Variants in CLTC observed in about 807,000 individuals in gnomAD.
CLTC encodes the protein clathrin heavy chain.
A neutral mutation model predicts 195.8 loss-of-function variants in CLTC; 16 were observed. The observed-to-expected ratio is 0.08, with a 90% confidence interval of 0.06 to 0.12. The LOEUF is 0.12. Among genes scored for constraint, CLTC ranks in the 10% least tolerant of loss-of-function variants. CLTC has a pLI of 1.00. For synonymous variants in CLTC, 667 were observed against 689.4 expected (o/e 0.97, Z 0.51); for missense variants, 796 against 2,027.0 (o/e 0.39, Z 11.66).
In CLTC at chr17:59,682,326, G is replaced by A; in HGVS notation, c.3498G>A (p.Glu1166=). Residue 1166 remains glutamate (E), a synonymous_variant, in exon 22 of 32, where the codon GAG becomes GAA. Coordinates refer to ENST00000269122, the MANE Select transcript of CLTC (RefSeq NM_004859.4). The surrounding 1 kb of genome is among the most constrained non-coding windows in gnomAD (Gnocchi z 6.8). ...AGATGGCCCGTAAGAAGGCTCGAGA[G>A]TCCTATGTGGAGACAGAACTGATAT... ...YLQMARKKAR[E]SYVETELIFA... is the part of the protein sequence containing the mutation. 1 of 1,614,144 alleles carries A rather than the reference G, an allele frequency of 6.2e-7. No homozygotes were observed. Among genetic ancestry groups the A allele is most frequent in the East Asian group, 2.2e-5 (1 of 44,876 alleles).
At chr17:59,680,267 G>A (rs1349735599) in intron 18 of CLTC, among the ~76,000 whole-genome samples, 1 of 152,094 alleles carries the variant, frequency 6.6e-6, no homozygotes, top group Non-Finnish European at 1.5e-5. Flanking sequence ...AAGTGCATCA[G>A]TGTTATATCT....
chr17:59,670,725 T>C (rs1051376636), intron 14 of CLTC, among the ~76,000 whole-genome samples: 1 of 152,184 alleles, frequency 6.6e-6, no homozygotes, highest in African/African-American at 2.4e-5. Context: ...ATTTTTGAGC[T>C]TTAAAAAAAA....
intron 13 of CLTC, 30 bp from the exon 14 acceptor site, chr17:59,668,747 T>C: frequency 6.4e-7 from 1 of 1,556,286 alleles, no homozygotes; most frequent in Non-Finnish European, 8.7e-7. Context: ...AGTGTGCCTA[T>C]GCTTAATTGT....
chr17:59,666,362 T>C lies in CLTC; in HGVS notation c.1783-118T>C, dbSNP rs2032732362. ...CTCCTTATTAAAGAAAATGTAGCTA[T>C]TATAATATTCTTTTGTACTTTAACA... On this transcript the variant is annotated intron_variant, in intron 11 of 31. Coordinates refer to ENST00000269122, the MANE Select transcript of CLTC (RefSeq NM_004859.4). This position sits in a 1 kb window ranked among gnomAD's most constrained non-coding sequence, Gnocchi z 4.9. 2 of 1,475,598 alleles carry C rather than the reference T, an allele frequency of 1.4e-6. No homozygotes were observed. The highest frequency in any genetic ancestry group is 1.4e-5 in the African/African-American group (1 of 70,874). 91.4% of individuals were successfully genotyped at this position (1,475,598 alleles called of 1,614,324 possible).
Position 59,644,353 on chromosome 17 carries a change from T to C in CLTC, c.120T>C (p.Ile40=). 1 of 1,614,022 alleles carries C rather than the reference T, an allele frequency of 6.2e-7. No homozygotes were observed. Among genetic ancestry groups the C allele is most frequent in the Non-Finnish European group, 8.5e-7 (1 of 1,179,988 alleles). The change falls in exon 2 of 32, where the codon ATT becomes ATC. Residue 40 remains isoleucine, a synonymous_variant. Coordinates refer to ENST00000269122, the MANE Select transcript of CLTC (RefSeq NM_004859.4). ...LTMESDKFIC[I]REKVGEQAQV... is the part of the protein sequence containing the mutation. ...TGGAGTCTGACAAATTCATCTGCAT[T>C]AGAGAAAAAGTAGGAGAGCAGGCCC... is the stretch of plus-strand genomic sequence containing the variant.
In CLTC at chr17:59,668,948, G is replaced by A; in HGVS notation, c.2292+8G>A. 6.2e-7 allele frequency: 1 copy of A among 1,603,898 alleles called. No homozygotes were observed. The highest frequency in any genetic ancestry group is 1.1e-5 in the South Asian group (1 of 89,558). ...GTCAAGAATTTTCTTAAGGTAAGTG[G>A]TTTTGAGTAATGTGTTTTCTGGTTG... is the stretch of plus-strand genomic sequence containing the variant. On this transcript the variant is annotated splice_region_variant and intron_variant, in intron 14 of 31. Coordinates refer to ENST00000269122, the MANE Select transcript of CLTC (RefSeq NM_004859.4).
At chr17:59,693,450 G>T (rs987096150) in intron 31 of CLTC, among the ~76,000 whole-genome samples, 1 of 151,466 alleles carries the variant, frequency 6.6e-6, no homozygotes, top group East Asian at 1.9e-4. Flanking sequence ...ATGCATGTAG[G>T]TATGTGTCAA....
intron 4 of CLTC, among the ~76,000 whole-genome samples, chr17:59,650,084 C>T (rs1480440358): frequency 2.0e-5 from 3 of 152,138 alleles, no homozygotes; most frequent in African/African-American, 7.2e-5. Flanking sequence ...GACCCTATAA[C>T]ATTCATATGG....
intron 1 of CLTC, among the ~76,000 whole-genome samples, chr17:59,628,862 A>T (rs973055287): frequency 6.6e-6 from 1 of 152,120 alleles, no homozygotes; most frequent in Non-Finnish European, 1.5e-5. Flanking sequence ...GGGTTTCACC[A>T]TGTTGGCCAG....
chr17:59,679,645 G>C, intron 18 of CLTC, 126 bp downstream of exon 18: 1 of 766,474 alleles, frequency 1.3e-6, no homozygotes, highest in Non-Finnish European at 1.8e-6. Context: ...GCAATACAAA[G>C]TAGAAGAAAA....
At chr17:59,676,366 G>C (rs1228223064) in intron 16 of CLTC, among the ~76,000 whole-genome samples, 1 of 152,172 alleles carries the variant, frequency 6.6e-6, no homozygotes, top group Admixed American at 6.5e-5. Flanking sequence ...TTGGCTGTAG[G>C]TAATGCTGTA....
chr17:59,642,646 A>G (rs902647165), intron 1 of CLTC, among the ~76,000 whole-genome samples: 3 of 152,216 alleles, frequency 2.0e-5, no homozygotes, highest in East Asian at 1.9e-4. Flanking sequence ...AGGCTTTACT[A>G]TAACTAAATA....
chr17:59,680,821 G>T, intron 18 of CLTC, 91 bp from the exon 19 acceptor site: 1 of 967,556 alleles, frequency 1.0e-6, no homozygotes, highest in Non-Finnish European at 1.5e-6. Context: ...ATTCTTTTCT[G>T]CCTATTTCAA....
At chr17:59,674,674 C>T in intron 15 of CLTC, 27 bp from the exon 16 acceptor site, 2 of 1,586,578 alleles carry the variant, frequency 1.3e-6, no homozygotes, top group Non-Finnish European at 1.7e-6. Context: ...AACATAATAA[C>T]ATTCTTCTAC....
rs537832985 is a variant in CLTC, at chr17:59,638,716, A to C, written c.43-5560A>C. Among the ~76,000 whole-genome samples the C allele has an allele frequency of 3.3e-5, 5 of 152,282 alleles. No individual in the cohort carries two copies. In the East Asian group the frequency reaches 9.6e-4, roughly 29 times the overall value. ...ATGAGAATCTAATGCCGTGGCTGAA[A>C]TGACAGGAGGTAGAGCTCAGGCGGT... On this transcript the variant is annotated intron_variant, in intron 1 of 31. Transcript: ENST00000269122.
chr17:59,680,783 G>A lies in CLTC; in HGVS notation c.2920-129G>A, dbSNP rs932790508. 4.8e-5 allele frequency: 31 copies of A among 641,232 alleles called. No homozygotes were observed. In the East Asian group the frequency reaches 8.4e-4, roughly 17 times the overall value. 39.7% of individuals were successfully genotyped at this position (641,232 alleles called of 1,614,324 possible). A position where few individuals can be genotyped will look rare whatever the true frequency, so the allele number is the denominator to read the frequency against. The stretch of plus-strand genomic sequence containing the variant: ...GATTTGTGTAGAAAGACCTCTCTAT[G>A]TAAATTTAAAGGTCTTTTTCCTACT... On this transcript the variant is annotated intron_variant, in intron 18 of 31. Coordinates refer to ENST00000269122, the MANE Select transcript of CLTC (RefSeq NM_004859.4).
At chr17:59,687,354 G>T (rs970491569) in intron 30 of CLTC, among the ~76,000 whole-genome samples, 2 of 152,090 alleles carry the variant, frequency 1.3e-5, no homozygotes, top group African/African-American at 2.4e-5. Flanking sequence ...CCCTGTCAGG[G>T]TATCTGGACC....
At chr17:59,654,573 G>A (rs954398369) in intron 5 of CLTC, among the ~76,000 whole-genome samples, 8 of 152,154 alleles carry the variant, frequency 5.3e-5, no homozygotes, top group East Asian at 1.9e-4. Flanking sequence ...CTCCGCCTCC[G>A]GGGTCAAGCA....
chr17:59,665,157 C>T (rs552627772), intron 10 of CLTC, among the ~76,000 whole-genome samples: 1 of 150,910 alleles, frequency 6.6e-6, no homozygotes, highest in African/African-American at 2.4e-5. Context: ...CCTGGGAGGT[C>T]GAGGCTGCAG....
Sources: gnomAD v4.1 joint callset for allele counts (sites outside exome capture counted in the v4.1 genomes callset) on GRCh38, gnomAD v4.1.1 for gene constraint, Gnocchi (gnomAD v3.1) non-coding constraint, MANE v1.5 for transcripts, NCBI Gene and HGNC (gene_info 2026-07-23, HGNC 2026-07-21) for gene names.